The following PWWP3A variants were observed in gnomAD, a reference collection of about 807,000 sequenced individuals.
PWWP3A encodes PWWP domain-containing DNA repair factor 3A.
A neutral mutation model predicts 79.0 loss-of-function variants in PWWP3A; 53 were observed. That is an observed-to-expected ratio of 0.67 (90% CI 0.54 to 0.84). The LOEUF is 0.84. Ranked by LOEUF, PWWP3A falls within the 40% of genes least tolerant of loss-of-function variation. The pLI, the probability that PWWP3A is intolerant of heterozygous loss-of-function variation, is 0.00. For missense variants in PWWP3A, 973 were observed against 948.0 expected (o/e 1.03, Z -0.35); for synonymous variants, 443 against 394.4 (o/e 1.12, Z -1.46).
In PWWP3A at chr19:1,358,460, G is replaced by A. The variant is rs368395056; in HGVS notation, c.210G>A (p.Ser70=). ...EKSQIEAIAS[S]LASQNEVPAA... The stretch of plus-strand genomic sequence containing the variant: ...CTCAAATTGAAGCCATTGCTTCCTC[G>A]TTAGGTAAGAGCGTATTTTTAAGTG... Residue 70 remains serine, a synonymous_variant, in exon 4 of 14, where the codon TCG becomes TCA. Transcript: ENST00000591337. The A allele has an allele frequency of 1.1e-5, 18 of 1,613,832 alleles. No individual in the cohort carries two copies. The highest frequency in any genetic ancestry group is 4.0e-5 in the African/African-American group (3 of 74,902).
At chr19:1,362,216 T>C (rs758852888) in intron 5 of PWWP3A, 34 bp from the exon 6 acceptor site, 1 of 1,567,672 alleles carries the variant, frequency 6.4e-7, no homozygotes, top group South Asian at 1.1e-5. Flanking sequence ...GACAATGCAA[T>C]GACCATGAAA....
intron 6 of PWWP3A, 38 bp downstream of exon 6, chr19:1,362,389 T>C (rs1470322990): frequency 6.4e-7 from 1 of 1,560,762 alleles, no homozygotes; most frequent in Non-Finnish European, 8.8e-7. Context: ...GTCCTAACGG[T>C]GCGCTCAGAG....
intron 4 of PWWP3A, chr19:1,359,565 T>A (rs1360125812): frequency 6.6e-6 from 1 of 152,058 alleles, no homozygotes; most frequent in East Asian, 1.9e-4. Flanking sequence ...AATGAATAAA[T>A]AAAAGTGCTG....
intron 9 of PWWP3A, among the ~76,000 whole-genome samples, chr19:1,367,431 C>T (rs2082152165): frequency 6.6e-6 from 1 of 152,228 alleles, no homozygotes; most frequent in Non-Finnish European, 1.5e-5. Flanking sequence ...TGGGAAGTTG[C>T]GGCCCCATTT....
chr19:1,370,786 G>C lies in PWWP3A; in HGVS notation c.1694G>C (p.Arg565Pro). ...CGGAAAATGCTCCCCGACCGCTCGC[G>C]GGCCGCCCGGGACCGGGCCAACCAG... Reference protein sequence around the residue: ...PCRKMLPDRSRAARDRANQKL... With the variant: ...PCRKMLPDRSPAARDRANQKL... Residue 565 changes from arginine (R) to proline (P), a missense_variant, in exon 12 of 14, where the codon CGG becomes CCG. Transcript: ENST00000591337. 1 of 1,546,906 alleles carries C rather than the reference G, an allele frequency of 6.5e-7. No homozygotes were observed.
At position 1,370,977 on chromosome 19, in the gene PWWP3A, G is replaced by A; in HGVS notation, c.1885G>A (p.Val629Met). The change falls in exon 12 of 14, where the codon GTG becomes ATG. Residue 629 changes from valine to methionine, a missense_variant. Transcript: ENST00000591337. ...LEDEGQLDLV[V>M]KYLQGVYQEV... ...GGATGAGGGGCAGCTGGACCTGGTG[G>A]TGAAGTACCTGCAGGGCGTCTACCA... 6.4e-7 allele frequency: 1 copy of A among 1,564,268 alleles called. No individual in the cohort carries two copies. Among genetic ancestry groups the A allele is most frequent in the Non-Finnish European group, 8.7e-7 (1 of 1,153,898 alleles).
chr19:1,366,442 A>C, intron 8 of PWWP3A, 61 bp downstream of exon 8: 1 of 1,483,564 alleles, frequency 6.7e-7, no homozygotes, highest in Non-Finnish European at 9.4e-7. Context: ...CCGCTCTCAG[A>C]GTCAGAGCGG....
At chr19:1,356,876 G>C in intron 2 of PWWP3A, 133 bp from the exon 3 acceptor site, 2 of 690,504 alleles carry the variant, frequency 2.9e-6, no homozygotes, top group Non-Finnish European at 4.9e-6. Flanking sequence ...AAACAATGGG[G>C]ATTGGACCAA....
chr19:1,367,689 C>T (rs1022284323), intron 9 of PWWP3A, among the ~76,000 whole-genome samples: 7 of 152,340 alleles, frequency 4.6e-5, no homozygotes, highest in Admixed American at 2.0e-4. Flanking sequence ...ACGTGGCAGA[C>T]GTCTTGCTGC....
chr19:1,366,384 A>G lies in PWWP3A; in HGVS notation c.1361+3A>G. ...CACATGAACCCGAAAATGAAAGGGT[A>G]ACCCGCTGTTCTTGGTTTCTGTGAA... On this transcript the variant is annotated splice_donor_region_variant and intron_variant, in intron 8 of 13. Coordinates refer to ENST00000591337, the MANE Select transcript of PWWP3A (RefSeq NM_001369789.1). 1 of 1,614,012 alleles carries G rather than the reference A, an allele frequency of 6.2e-7. No homozygotes were observed. Among genetic ancestry groups the G allele is most frequent in the Non-Finnish European group, 8.5e-7 (1 of 1,179,822 alleles).
intron 8 of PWWP3A, among the ~76,000 whole-genome samples, 154 bp downstream of exon 8, chr19:1,366,535 C>T (rs987766023): frequency 6.6e-6 from 1 of 152,182 alleles, no homozygotes. Flanking sequence ...TGGAGGTGTG[C>T]CCTTCTTGTG....
Position 1,360,771 on chromosome 19 carries a change from C to G in PWWP3A, c.850C>G (p.Pro284Ala). 1 of 1,610,698 alleles carries G rather than the reference C, an allele frequency of 6.2e-7. No homozygotes were observed. Among genetic ancestry groups the G allele is most frequent in the Non-Finnish European group, 8.5e-7 (1 of 1,178,648 alleles). Residue 284 changes from proline (P) to alanine (A), a missense_variant, in exon 5 of 14, where the codon CCA (proline) becomes GCA (alanine). By Grantham distance (27) the Pro-to-Ala change is conservative. Transcript: ENST00000591337. This position sits in a 1 kb window ranked among gnomAD's most constrained non-coding sequence, Gnocchi z 4.4. ...GCCGTTGGGCAGCCTCACTGCGCCCCCAGCCCCTGAGCCCTCGGCCTGCTC... is the reference window on the plus strand; with the variant it reads ...GCCGTTGGGCAGCCTCACTGCGCCCGCAGCCCCTGAGCCCTCGGCCTGCTC... ...GLPLGSLTAPPAPEPSACSEP... is the reference protein window; with the variant it reads ...GLPLGSLTAPAAPEPSACSEP...
At chr19:1,359,966 C>G in intron 4 of PWWP3A, 170 bp from the exon 5 acceptor site, 1 of 646,972 alleles carries the variant, frequency 1.5e-6, no homozygotes, top group Non-Finnish European at 2.4e-6. Flanking sequence ...GTTCTGTAGC[C>G]TCGTCTCCTT....
At position 1,369,615 on chromosome 19, in the gene PWWP3A, C is replaced by T. The variant is rs1315216107; in HGVS notation, c.1518C>T (p.Gly506=). The change falls in exon 11 of 14, where the codon GGC becomes GGT. Residue 506 remains glycine (G), a synonymous_variant. Coordinates refer to ENST00000591337, the MANE Select transcript of PWWP3A (RefSeq NM_001369789.1). The surrounding 1 kb of genome is among the most constrained non-coding windows in gnomAD (Gnocchi z 4.0). ...RVRLGCGSFA[G]SFLEYYAADI... is the part of the protein sequence containing the mutation. ...CTGCAGGCTGCGGGTCTTTTGCTGGCTCTTTCCTGGAATATTACGCGGCTG... is the reference window on the plus strand; with the variant it reads ...CTGCAGGCTGCGGGTCTTTTGCTGGTTCTTTCCTGGAATATTACGCGGCTG... 3.1e-6 allele frequency: 5 copies of T among 1,614,234 alleles called. No individual in the cohort carries two copies. In the South Asian group the frequency reaches 3.3e-5, roughly 11 times the overall value.
rs1243927095 is a variant in PWWP3A, at chr19:1,368,969, AG to A, written c.1423-295del. 286 of 338,148 alleles carry A rather than the reference AG, an allele frequency of 8.5e-4. No homozygotes were observed. Among genetic ancestry groups the A allele is most frequent in the Non-Finnish European group, 1.5e-3 (259 of 177,322 alleles). The allele number at this position is 338,148 out of a possible 1,614,324, so 20.9% of individuals were successfully genotyped here. A position where few individuals can be genotyped will look rare whatever the true frequency, so the allele number is the denominator to read the frequency against. On this transcript the variant is annotated intron_variant, in intron 9 of 13. Coordinates refer to ENST00000591337, the MANE Select transcript of PWWP3A (RefSeq NM_001369789.1). This position sits in a 1 kb window ranked among gnomAD's most constrained non-coding sequence, Gnocchi z 4.7. Reference sequence around the variant, plus strand: ...GCCCACCTGCGTTCAGATCAGCCCAAGCCATCGGGTCCCCGGTGCCCACCTG... The same window carrying A: ...GCCCACCTGCGTTCAGATCAGCCCAACCATCGGGTCCCCGGTGCCCACCTG...
intron 12 of PWWP3A, chr19:1,371,417 T>G (rs2082257478): frequency 1.4e-6 from 1 of 701,948 alleles, no homozygotes; most frequent in Non-Finnish European, 2.6e-6. Context: ...CCACTGCGAG[T>G]TGGAAATTCC....
chr19:1,376,291 G>GTTTTTTTTTTTTTTTTTTTTTTTTT (rs1350699607), intron 13 of PWWP3A, among the ~76,000 whole-genome samples: 4 of 50,858 alleles, frequency 7.9e-5, no homozygotes, highest in Middle Eastern at 0.019. Context: ...ACGCCCGGCT[G>GTTTTTTTTTTTTTTTTTTTTTTTTT]TTTGTTTTTT....
intron 6 of PWWP3A, among the ~76,000 whole-genome samples, chr19:1,363,964 T>G (rs1372963498): frequency 6.6e-6 from 1 of 152,236 alleles, no homozygotes; most frequent in African/African-American, 2.4e-5. Context: ...TTTAAAATTT[T>G]AAATAATTCA....
At position 1,369,622 on chromosome 19, in the gene PWWP3A, C is replaced by T; in HGVS notation, c.1525C>T (p.Leu509=). The T allele has an allele frequency of 1.2e-6, 2 of 1,614,230 alleles. No homozygotes were observed. Among genetic ancestry groups the T allele is most frequent in the South Asian group, 1.1e-5 (1 of 91,090 alleles). Residue 509 remains leucine (L), a synonymous_variant, in exon 11 of 14, where the codon CTG becomes TTG. Transcript: ENST00000591337. The surrounding 1 kb of genome is among the most constrained non-coding windows in gnomAD (Gnocchi z 4.0). ...CTGCGGGTCTTTTGCTGGCTCTTTC[C>T]TGGAATATTACGCGGCTGATATAAG... ...LGCGSFAGSF[L]EYYAADISYP...
Sources: gnomAD v4.1 joint callset for allele counts (sites outside exome capture counted in the v4.1 genomes callset) on GRCh38, gnomAD v4.1.1 for gene constraint, Gnocchi (gnomAD v3.1) non-coding constraint, MANE v1.5 for transcripts, NCBI Gene and HGNC (gene_info 2026-07-23, HGNC 2026-07-21) for gene names.